OPN3: variants seen among roughly 807,000 people sequenced by gnomAD.
OPN3 encodes the protein opsin 3, also known as opsin-3.
In OPN3, 29 loss-of-function variants were observed where a neutral mutation model predicts 33.8. The observed-to-expected ratio is 0.86, with a 90% CI of 0.64 to 1.17. OPN3 has a LOEUF of 1.17. OPN3 is among the 50% of genes most tolerant of loss of function. The pLI, the probability that OPN3 is intolerant of heterozygous loss-of-function variation, is 0.00. For synonymous variants in OPN3, 216 were observed against 216.1 expected, an observed-to-expected ratio of 1.00 and a Z score of 0.00; for missense variants, 437 against 514.1, an observed-to-expected ratio of 0.85 and a Z score of 1.45.
chr1:241,609,909 G>T (rs1293200206), intron 1 of OPN3, among the ~76,000 whole-genome samples: 1 of 152,202 alleles, frequency 6.6e-6, no homozygotes, highest in African/African-American at 2.4e-5. Context: ...GCTGTCCATG[G>T]TCCACAGCAG....
intron 1 of OPN3, among the ~76,000 whole-genome samples, chr1:241,609,339 G>C (rs1360102357): frequency 6.6e-6 from 1 of 152,174 alleles, no homozygotes; most frequent in Non-Finnish European, 1.5e-5. Flanking sequence ...CCACCAACAG[G>C]TGGTGGAGAC....
chr1:241,633,502 T>C (rs527942879), intron 1 of OPN3: 2 of 301,202 alleles, frequency 6.6e-6, no homozygotes, highest in East Asian at 1.6e-4. Context: ...TTAAGCTGAG[T>C]TGCTAATATG....
chr1:241,639,924 T>C lies in OPN3; in HGVS notation c.331A>G (p.Thr111Ala). 1.2e-6 allele frequency: 2 copies of C among 1,604,168 alleles called. No individual in the cohort carries two copies. The highest frequency in any genetic ancestry group is 2.3e-5 in the East Asian group (1 of 43,704). Reference sequence around the variant, plus strand: ...AACCCGTCCCACACGCAGCCCACGGTGTCCCACACCCAGCCGTTCCTCAGG... The same window carrying C: ...AACCCGTCCCACACGCAGCCCACGGCGTCCCACACCCAGCCGTTCCTCAGG... ...SCLRNGWVWD[T>A]VGCVWDGFSG... The change falls in exon 1 of 4, where the codon ACC (threonine) becomes GCC (alanine). Residue 111 changes from threonine to alanine, a missense_variant. By Grantham distance (58) the Thr-to-Ala change is moderately conservative. Coordinates refer to ENST00000366554, the MANE Select transcript of OPN3 (RefSeq NM_014322.3).
chr1:241,635,189 T>C, intron 1 of OPN3: 1 of 1,613,180 alleles, frequency 6.2e-7, no homozygotes, highest in Non-Finnish European at 8.5e-7. Context: ...TCCATCTTTA[T>C]CTGAAACTGT....
At chr1:241,637,067 C>T (rs929413882) in intron 1 of OPN3, among the ~76,000 whole-genome samples, 5 of 152,092 alleles carry the variant, frequency 3.3e-5, no homozygotes, top group African/African-American at 9.7e-5. Context: ...GTAGAAAGGC[C>T]AAGGTGCTGA....
chr1:241,600,509 A>G (rs1199645452), intron 2 of OPN3: 2 of 152,190 alleles, frequency 1.3e-5, no homozygotes, highest in African/African-American at 2.4e-5. Context: ...AGAATTCTCT[A>G]TCAGATTGTT....
At chr1:241,629,203 C>G (rs1206079304) in intron 1 of OPN3, 1 of 152,130 alleles carries the variant, frequency 6.6e-6, no homozygotes, top group Non-Finnish European at 1.5e-5. Context: ...AAACTTTGTA[C>G]AAATAGCTTT....
At chr1:241,639,578 CAAAT>C (rs1665031190) in intron 1 of OPN3, among the ~76,000 whole-genome samples, 1 of 151,014 alleles carries the variant, frequency 6.6e-6, no homozygotes, top group Admixed American at 6.6e-5. Flanking sequence ...GAGGTAAAAA[CAAAT>C]AAGAAAGGAG....
At chr1:241,633,801 T>C in intron 1 of OPN3, 1 of 1,613,382 alleles carries the variant, frequency 6.2e-7, no homozygotes, top group Non-Finnish European at 8.5e-7. Context: ...CTTTTCTAAT[T>C]TTGAAGGTGC....
chr1:241,594,874 T>C, intron 3 of OPN3, 183 bp from the exon 4 acceptor site: 1 of 620,936 alleles, frequency 1.6e-6, no homozygotes, highest in Non-Finnish European at 2.8e-6. Context: ...TGTCTTTTAT[T>C]CATTCTAATT....
At chr1:241,627,345 A>G (rs1407988726) in intron 1 of OPN3, among the ~76,000 whole-genome samples, 1 of 152,212 alleles carries the variant, frequency 6.6e-6, no homozygotes. Context: ...ATATTCTTAC[A>G]TGTAATAAAT....
intron 1 of OPN3, chr1:241,634,171 C>G: frequency 6.2e-7 from 1 of 1,613,874 alleles, no homozygotes; most frequent in South Asian, 1.1e-5. Flanking sequence ...TTTCAGTATA[C>G]GGAGTGAATA....
At chr1:241,594,899 T>C (rs1034934755) in intron 3 of OPN3, 2 of 561,676 alleles carry the variant, frequency 3.6e-6, no homozygotes, top group East Asian at 6.0e-5. Flanking sequence ...TTAACCGGAA[T>C]ATGTAGGACC....
intron 2 of OPN3, among the ~76,000 whole-genome samples, chr1:241,602,444 A>G (rs958694627): frequency 2.6e-5 from 4 of 152,182 alleles, no homozygotes; most frequent in African/African-American, 9.7e-5. Flanking sequence ...TGAATGCTAG[A>G]TAAACTTACT....
chr1:241,602,678 C>A (rs1267547263), intron 2 of OPN3, among the ~76,000 whole-genome samples: 1 of 151,826 alleles, frequency 6.6e-6, no homozygotes, highest in East Asian at 1.9e-4. Flanking sequence ...AGAGAAAGAG[C>A]AAGCTTTCTG....
At chr1:241,634,262 A>G in intron 1 of OPN3, 1 of 1,613,948 alleles carries the variant, frequency 6.2e-7, no homozygotes, top group Non-Finnish European at 8.5e-7. Flanking sequence ...GGTGTCCTTC[A>G]TGCATGTCAT....
intron 1 of OPN3, among the ~76,000 whole-genome samples, chr1:241,619,704 A>G (rs1431157528): frequency 6.6e-6 from 1 of 152,220 alleles, no homozygotes; most frequent in Non-Finnish European, 1.5e-5. Flanking sequence ...TTTCATCATG[A>G]AACAGACTGA....
chr1:241,630,638 T>TA (rs989833338), intron 1 of OPN3: 1 of 152,058 alleles, frequency 6.6e-6, no homozygotes, highest in African/African-American at 2.4e-5. Context: ...TAACCATATA[T>TA]AAAAATAGTG....
rs895526846 is a variant in OPN3 at position 241,635,913 on chromosome 1, A to G, written c.373+3969T>C. On this transcript the variant is annotated intron_variant, in intron 1 of 3. Transcript: ENST00000366554. ...TAGCTGTTTAACGGTTACCCTTTTA[A>G]AATATTTTTTTTCTTATAAGTCAGT... 26 of 731,216 alleles carry G rather than the reference A, an allele frequency of 3.6e-5. No individual in the cohort carries two copies. In the African/African-American group the frequency reaches 4.3e-4, roughly 12 times the overall value. 45.3% of individuals were successfully genotyped at this position (731,216 alleles called of 1,614,324 possible). A position where few individuals can be genotyped will look rare whatever the true frequency, so the allele number is the denominator to read the frequency against.
Sources: gnomAD v4.1 joint callset for allele counts (sites outside exome capture counted in the v4.1 genomes callset) on GRCh38, gnomAD v4.1.1 for gene constraint, MANE v1.5 for transcripts, NCBI Gene and HGNC (gene_info 2026-07-23, HGNC 2026-07-21) for gene names.